NCKAP5: variants seen among roughly 807,000 people sequenced by gnomAD.
NCKAP5 encodes nck-associated protein 5.
In NCKAP5, 92 loss-of-function variants were observed where a neutral mutation model predicts 167.0. The observed-to-expected ratio is 0.55, with a 90% CI of 0.47 to 0.66. NCKAP5 has a LOEUF of 0.66. Among genes scored for constraint, NCKAP5 ranks in the 30% least tolerant of loss-of-function variants. The probability of loss-of-function intolerance (pLI) is 0.00; values close to 1 mark genes in which losing one functional copy is unlikely to be tolerated. For missense variants in NCKAP5, 2,378 were observed against 2,315.0 expected (o/e 1.03, Z -0.56); for synonymous variants, 891 against 877.4 (o/e 1.02, Z -0.27).
chr2:132,744,109 A>G (rs13029830), intron 16 of NCKAP5, among the ~76,000 whole-genome samples: 38,851 of 151,616 alleles, frequency 0.26, 7,310 homozygotes, highest in African/African-American at 0.5. Context: ...GTCTTCTCTC[A>G]GTAATTAATA....
chr2:133,155,419 G>A lies in NCKAP5; in HGVS notation c.208-25308C>T, dbSNP rs768054476. Among the ~76,000 whole-genome samples the A allele has an allele frequency of 5.9e-5, 9 of 152,058 alleles. No individual in the cohort carries two copies. In the South Asian group the frequency reaches 1.0e-3, roughly 18 times the overall value. ...CCTCTAACTAGTTCCTGGGTGATGC[G>A]GATGCTGGTGGCCAGGACTCCACTT... On this transcript the variant is annotated intron_variant, in intron 5 of 19. Transcript: ENST00000409261.
At chr2:133,048,274 T>C (rs1170419354) in intron 6 of NCKAP5, among the ~76,000 whole-genome samples, 1 of 152,192 alleles carries the variant, frequency 6.6e-6, no homozygotes, top group East Asian at 1.9e-4. Context: ...CTCTCTAAAT[T>C]GGTTTTCTTA....
chr2:132,874,050 T>C lies in NCKAP5; in HGVS notation c.648+4798A>G, dbSNP rs16842838. Reference sequence around the variant, plus strand: ...TGTAATTTCCAAGAAATGAGTATTTTGAACATATGAAAGTGACAAGTACGA... The same window carrying C: ...TGTAATTTCCAAGAAATGAGTATTTCGAACATATGAAAGTGACAAGTACGA... On this transcript the variant is annotated intron_variant, in intron 9 of 19. Transcript: ENST00000409261. Among the ~76,000 whole-genome samples the C allele has an allele frequency of 8.6e-3, 1,305 of 152,074 alleles. 15 individuals carry two copies. The highest frequency in any genetic ancestry group is 0.03 in the African/African-American group (1,260 of 41,452).
chr2:132,763,449 C>T (rs556158670), intron 16 of NCKAP5, among the ~76,000 whole-genome samples: 2 of 152,320 alleles, frequency 1.3e-5, no homozygotes, highest in South Asian at 4.1e-4. Flanking sequence ...GAGATTCTAT[C>T]CCTTAGGACA....
chr2:132,784,354 G>A lies in NCKAP5; in HGVS notation c.2457C>T (p.Pro819=), dbSNP rs1034456222. The A allele has an allele frequency of 2.1e-5, 34 of 1,613,854 alleles. No individual in the cohort carries two copies. The highest frequency in any genetic ancestry group is 2.3e-5 in the Non-Finnish European group (27 of 1,179,886). The change falls in exon 14 of 20, where the codon CCC becomes CCT. Residue 819 remains proline, a synonymous_variant. Coordinates refer to ENST00000409261, the MANE Select transcript of NCKAP5 (RefSeq NM_207363.3). ...ATGAAGGGAGTAGTGTGGTGGCTTC[G>A]GGCTCCATTAGTTTTGATTTCTGAG... ...SSPQKSKLME[P]EATTLLPSSG...
intron 5 of NCKAP5, among the ~76,000 whole-genome samples, chr2:133,164,536 C>T (rs4954031): frequency 0.43 from 65,287 of 152,052 alleles, 13,960 homozygotes; most frequent in East Asian, 0.57. Context: ...TTACACCTTA[C>T]AACACAATTG....
At chr2:133,374,843 C>T (rs578167090) in intron 3 of NCKAP5, among the ~76,000 whole-genome samples, 48 of 152,292 alleles carry the variant, frequency 3.2e-4, no homozygotes, top group Non-Finnish European at 1.0e-4. Context: ...AGCCTCACAA[C>T]TGGAGAAGTA....
chr2:133,394,494 G>A (rs569019925), intron 3 of NCKAP5, among the ~76,000 whole-genome samples: 2 of 152,320 alleles, frequency 1.3e-5, no homozygotes, highest in Non-Finnish European at 2.9e-5. Flanking sequence ...CCTAGAACCA[G>A]CAAGAACGTG....
chr2:133,479,872 G>C (rs1356792932), intron 3 of NCKAP5, among the ~76,000 whole-genome samples: 1 of 151,796 alleles, frequency 6.6e-6, no homozygotes, highest in Non-Finnish European at 1.5e-5. Flanking sequence ...GTCACTCTGA[G>C]AAACTTAGTG....
chr2:133,178,992 C>T (rs546720264), intron 5 of NCKAP5, among the ~76,000 whole-genome samples: 1 of 152,052 alleles, frequency 6.6e-6, no homozygotes, highest in South Asian at 2.1e-4. Flanking sequence ...ATAGGGAGAC[C>T]TTATCTCTAC....
At chr2:132,769,369 A>C (rs1681821032) in intron 16 of NCKAP5, among the ~76,000 whole-genome samples, 1 of 152,216 alleles carries the variant, frequency 6.6e-6, no homozygotes, top group African/African-American at 2.4e-5. Context: ...TCTCTGTCAA[A>C]GACATTAGTT....
chr2:133,615,784 C>A, the NCKAP5 span, among the ~76,000 whole-genome samples: 3 of 152,154 alleles, frequency 2.0e-5, no homozygotes, highest in African/African-American at 7.2e-5. Flanking sequence ...TTGAACTCAG[C>A]TCTGCACCAA....
chr2:133,300,331 A>G (rs1680292409), intron 4 of NCKAP5, among the ~76,000 whole-genome samples: 1 of 133,850 alleles, frequency 7.5e-6, no homozygotes, highest in African/African-American at 3.2e-5. Context: ...ACCAAAAAAG[A>G]GAATTTTAGA....
At chr2:133,066,770 G>A (rs2080210458) in intron 6 of NCKAP5, among the ~76,000 whole-genome samples, 1 of 151,734 alleles carries the variant, frequency 6.6e-6, no homozygotes. Flanking sequence ...AAAGTCAGTA[G>A]GGAAAGTCAG....
chr2:133,099,722 A>G (rs2081445108), intron 6 of NCKAP5, among the ~76,000 whole-genome samples: 1 of 152,160 alleles, frequency 6.6e-6, no homozygotes, highest in African/African-American at 2.4e-5. Context: ...ACACTCCCCT[A>G]TTGAAAAATC....
the NCKAP5 span, among the ~76,000 whole-genome samples, chr2:133,574,916 G>A: frequency 6.6e-6 from 1 of 152,194 alleles, no homozygotes; most frequent in Non-Finnish European, 1.5e-5. Context: ...CAGGGCCAGG[G>A]CTCTAGGGGT....
intron 13 of NCKAP5, among the ~76,000 whole-genome samples, chr2:132,787,873 C>T (rs192212388): frequency 6.6e-6 from 1 of 152,128 alleles, no homozygotes; most frequent in Non-Finnish European, 1.5e-5. Flanking sequence ...AAGTACCCCA[C>T]AAGAGCTTGA....
chr2:132,977,844 G>A (rs1455787566), intron 7 of NCKAP5, among the ~76,000 whole-genome samples: 1 of 152,108 alleles, frequency 6.6e-6, no homozygotes, highest in Non-Finnish European at 1.5e-5. Context: ...AGACATTTTT[G>A]CTAGTAATAC....
chr2:133,444,610 C>T (rs1019748203), intron 3 of NCKAP5, among the ~76,000 whole-genome samples: 1 of 152,118 alleles, frequency 6.6e-6, no homozygotes, highest in Non-Finnish European at 1.5e-5. Flanking sequence ...TGTGAGACAC[C>T]CATCTAAAAT....
Sources: gnomAD v4.1 joint callset for allele counts (sites outside exome capture counted in the v4.1 genomes callset) on GRCh38, gnomAD v4.1.1 for gene constraint, MANE v1.5 for transcripts, NCBI Gene and HGNC (gene_info 2026-07-23, HGNC 2026-07-21) for gene names.